CSGALNACT1: variants seen among roughly 807,000 people sequenced by gnomAD.
CSGALNACT1 encodes chondroitin sulfate N-acetylgalactosaminyltransferase 1, also known as beta4GalNAcT-1.
A neutral mutation model predicts 51.0 loss-of-function variants in CSGALNACT1; 52 were observed. That is an observed-to-expected ratio of 1.02 (90% CI 0.82 to 1.29). The LOEUF (loss-of-function observed/expected upper bound fraction) is 1.29, where lower values mean the gene tolerates loss of function less well. Ranked by LOEUF, CSGALNACT1 falls within the 50% of genes most tolerant of loss-of-function variation. The pLI, the probability that CSGALNACT1 is intolerant of heterozygous loss-of-function variation, is 0.00. For missense variants in CSGALNACT1, 935 were observed against 679.2 expected (o/e 1.38, Z -4.19); for synonymous variants, 341 against 254.4 (o/e 1.34, Z -3.24).
intron 4 of CSGALNACT1, among the ~76,000 whole-genome samples, chr8:19,489,382 G>GA (rs909646626): frequency 9.9e-5 from 15 of 151,952 alleles, no homozygotes; most frequent in African/African-American, 2.2e-4. Flanking sequence ...TCTCTCAAAG[G>GA]AAAAAAATCA....
At chr8:19,667,461 T>G (rs2059471718) in intron 1 of CSGALNACT1, among the ~76,000 whole-genome samples, 1 of 151,688 alleles carries the variant, frequency 6.6e-6, no homozygotes, top group South Asian at 2.1e-4. Context: ...AGACATTATT[T>G]CTATTCTACC....
intron 1 of CSGALNACT1, among the ~76,000 whole-genome samples, chr8:19,699,448 C>T (rs543617298): frequency 6.6e-6 from 1 of 152,318 alleles, no homozygotes; most frequent in South Asian, 2.1e-4. Context: ...TGGAATATTA[C>T]TCAGCCTTAA....
At chr8:19,423,955 C>T (rs771170206) in intron 6 of CSGALNACT1, among the ~76,000 whole-genome samples, 4 of 152,148 alleles carry the variant, frequency 2.6e-5, no homozygotes, top group African/African-American at 4.8e-5. Context: ...ATATGGGGGC[C>T]GGCGCACACA....
intron 1 of CSGALNACT1, among the ~76,000 whole-genome samples, chr8:19,727,598 G>A (rs7843107): frequency 2.6e-5 from 4 of 152,168 alleles, no homozygotes; most frequent in East Asian, 1.9e-4. Context: ...CGATCCAACC[G>A]CCTCAACCTC....
At chr8:19,436,824 C>A (rs188655184) in intron 6 of CSGALNACT1, among the ~76,000 whole-genome samples, 12 of 152,242 alleles carry the variant, frequency 7.9e-5, no homozygotes, top group Admixed American at 7.2e-4. Flanking sequence ...GTTGGGAAGA[C>A]CATGTGAGCC....
chr8:19,443,109 G>C (rs978521514), intron 5 of CSGALNACT1, among the ~76,000 whole-genome samples: 3 of 152,100 alleles, frequency 2.0e-5, no homozygotes. Flanking sequence ...GCTCTGGCCT[G>C]GTCCTGACCT....
At chr8:19,748,615 C>T (rs143738778) in intron 1 of CSGALNACT1, among the ~76,000 whole-genome samples, 18 of 152,198 alleles carry the variant, frequency 1.2e-4, no homozygotes, top group Non-Finnish European at 2.1e-4. Context: ...ACTCAGCAAA[C>T]CCCTCAGTAA....
intron 1 of CSGALNACT1, among the ~76,000 whole-genome samples, chr8:19,636,841 G>A (rs1182598908): frequency 6.6e-6 from 1 of 152,130 alleles, no homozygotes; most frequent in Non-Finnish European, 1.5e-5. Context: ...AAATCCTTGA[G>A]ACAATTGTTT....
intron 3 of CSGALNACT1, among the ~76,000 whole-genome samples, chr8:19,508,729 T>G (rs1030043053): frequency 2.6e-5 from 4 of 152,228 alleles, no homozygotes; most frequent in Non-Finnish European, 5.9e-5. Context: ...GTCAACACAT[T>G]TTGTTGTGTT....
intron 1 of CSGALNACT1, among the ~76,000 whole-genome samples, chr8:19,731,773 C>T (rs1410563822): frequency 6.6e-6 from 1 of 152,200 alleles, no homozygotes; most frequent in South Asian, 2.1e-4. Context: ...ATCTCAGGCT[C>T]TAATTCTTGA....
chr8:19,644,701 C>T (rs1324154705), intron 1 of CSGALNACT1, among the ~76,000 whole-genome samples: 11 of 123,682 alleles, frequency 8.9e-5, no homozygotes, highest in African/African-American at 3.1e-4. Context: ...CAGAGCGAGA[C>T]TCCGTCTCAA....
At chr8:19,480,958 G>C (rs537873124) in intron 4 of CSGALNACT1, among the ~76,000 whole-genome samples, 6 of 152,076 alleles carry the variant, frequency 3.9e-5, no homozygotes, top group Non-Finnish European at 5.9e-5. Flanking sequence ...GCTCTCCTAC[G>C]AGAGTGAGGG....
At chr8:19,411,472 G>A (rs1399692900) in intron 8 of CSGALNACT1, among the ~76,000 whole-genome samples, 1 of 152,182 alleles carries the variant, frequency 6.6e-6, no homozygotes, top group East Asian at 1.9e-4. Context: ...GCCGTCCCTA[G>A]GGCAGAGATG....
intron 3 of CSGALNACT1, among the ~76,000 whole-genome samples, chr8:19,590,783 G>C (rs999727038): frequency 6.6e-6 from 1 of 151,246 alleles, no homozygotes; most frequent in African/African-American, 2.4e-5. Flanking sequence ...TCATGTAGCT[G>C]GGATTACAGG....
chr8:19,694,146 G>A (rs1191906475), intron 1 of CSGALNACT1, among the ~76,000 whole-genome samples: 1 of 152,116 alleles, frequency 6.6e-6, no homozygotes, highest in Non-Finnish European at 1.5e-5. Flanking sequence ...AAGGAAGTTT[G>A]TGACTTGAAA....
chr8:19,505,177 C>G, intron 4 of CSGALNACT1, 24 bp downstream of exon 3: 1 of 1,613,634 alleles, frequency 6.2e-7, no homozygotes, highest in Non-Finnish European at 8.5e-7. Context: ...CTTCTCCTTT[C>G]CCCCCAATTC....
rs545454839 is a variant in CSGALNACT1 at position 19,563,409 on chromosome 8, T to C, written c.-297+27751A>G. ...ACCTATGTAACAAACCTGTATATCC[T>C]GCACGTGTAACCTGGAACTTAAAAA... On this transcript the variant is annotated intron_variant, in intron 3 of 9. Coordinates refer to ENST00000454498, the Ensembl canonical transcript of CSGALNACT1. Among the ~76,000 whole-genome samples, 378 of 152,308 alleles carry C rather than the reference T, an allele frequency of 2.5e-3. 2 individuals are homozygous for C. The highest frequency in any genetic ancestry group is 3.3e-3 in the Non-Finnish European group (223 of 68,034).
intron 6 of CSGALNACT1, among the ~76,000 whole-genome samples, chr8:19,432,416 A>T (rs1189975596): frequency 3.9e-5 from 6 of 152,202 alleles, no homozygotes; most frequent in Admixed American, 6.5e-5. Context: ...GTGGATTTCT[A>T]TGAATTTATT....
intron 4 of CSGALNACT1, 33 bp downstream of exon 3, chr8:19,505,168 T>C (rs1335852033): frequency 6.2e-7 from 1 of 1,613,764 alleles, no homozygotes; most frequent in Non-Finnish European, 8.5e-7. Flanking sequence ...ATTCCTTTTC[T>C]TCTCCTTTCC....
Sources: gnomAD v4.1 joint callset for allele counts (sites outside exome capture counted in the v4.1 genomes callset) on GRCh38, gnomAD v4.1.1 for gene constraint, MANE v1.5 for transcripts, NCBI Gene and HGNC (gene_info 2026-07-23, HGNC 2026-07-21) for gene names.